The following DAB1 variants were observed in gnomAD, a reference collection of about 807,000 sequenced individuals.
The protein encoded by DAB1 is DAB adaptor protein 1.
In DAB1, 15 loss-of-function variants were observed where a neutral mutation model predicts 64.6. The observed-to-expected ratio is 0.23, with a 90% confidence interval of 0.16 to 0.36. The LOEUF (loss-of-function observed/expected upper bound fraction) is 0.36. DAB1 is among the 10% of genes least tolerant of loss of function. DAB1 has a pLI of 1.00. For synonymous variants in DAB1, 235 were observed against 251.9 expected (o/e 0.93, Z 0.64); for missense variants, 596 against 706.7 (o/e 0.84, Z 1.78).
intron 2 of DAB1, among the ~76,000 whole-genome samples, chr1:58,520,604 G>A (rs2100451233): frequency 6.6e-6 from 1 of 152,168 alleles, no homozygotes; most frequent in Non-Finnish European, 1.5e-5. Context: ...GAACACAGGA[G>A]GTTTGAAAAT....
intron 6 of DAB1, among the ~76,000 whole-genome samples, chr1:57,662,510 T>C (rs1214409103): frequency 6.6e-6 from 1 of 152,192 alleles, no homozygotes. Flanking sequence ...GATTGTTATA[T>C]CACTCGTTCA....
chr1:57,193,579 G>C (rs1664359054), intron 2 of DAB1, among the ~76,000 whole-genome samples: 1 of 151,768 alleles, frequency 6.6e-6, no homozygotes, highest in South Asian at 2.1e-4. Flanking sequence ...GTAGAGACGG[G>C]GTTTCACCAT....
At chr1:58,038,084 C>G (rs567155315) in intron 5 of DAB1, among the ~76,000 whole-genome samples, 1 of 152,158 alleles carries the variant, frequency 6.6e-6, no homozygotes, top group African/African-American at 2.4e-5. Flanking sequence ...AGAAGACTGA[C>G]TTGATATCTT....
At chr1:57,034,459 T>C (rs970191940) in intron 9 of DAB1, among the ~76,000 whole-genome samples, 3 of 152,104 alleles carry the variant, frequency 2.0e-5, no homozygotes, top group African/African-American at 7.2e-5. Context: ...CCATGAACTT[T>C]CTCAAGCAGC....
intron 5 of DAB1, among the ~76,000 whole-genome samples, chr1:58,139,067 A>T (rs539019088): frequency 6.6e-6 from 1 of 152,238 alleles, no homozygotes; most frequent in Non-Finnish European, 1.5e-5. Flanking sequence ...CCTTCATGAG[A>T]TCTCAGCCAG....
chr1:58,530,917 C>T (rs1042399182), intron 1 of DAB1, among the ~76,000 whole-genome samples: 1 of 151,964 alleles, frequency 6.6e-6, no homozygotes, highest in Non-Finnish European at 1.5e-5. Flanking sequence ...ACTTATATAC[C>T]TATTCATTCA....
intron 1 of DAB1, among the ~76,000 whole-genome samples, chr1:57,318,130 T>C (rs1675374273): frequency 7.8e-6 from 1 of 127,414 alleles, no homozygotes; most frequent in Non-Finnish European, 1.6e-5. Context: ...AGCAAGATGC[T>C]GACTGAAATT....
At chr1:58,167,528 T>C (rs948204223) in intron 4 of DAB1, among the ~76,000 whole-genome samples, 1 of 151,934 alleles carries the variant, frequency 6.6e-6, no homozygotes, top group Non-Finnish European at 1.5e-5. Flanking sequence ...GTGGGCAGGG[T>C]CAAATAAGGG....
chr1:58,426,937 G>T (rs1045255532), intron 3 of DAB1, among the ~76,000 whole-genome samples: 6 of 152,220 alleles, frequency 3.9e-5, no homozygotes, highest in African/African-American at 1.4e-4. Context: ...AGGCCTCACT[G>T]CAAAGAAAAG....
chr1:58,200,813 A>G (rs977407147), intron 4 of DAB1, among the ~76,000 whole-genome samples: 2 of 152,178 alleles, frequency 1.3e-5, no homozygotes, highest in Non-Finnish European at 2.9e-5. Context: ...ATATTCACCT[A>G]CTGACATGTG....
intron 6 of DAB1, among the ~76,000 whole-genome samples, chr1:57,757,849 C>T (rs184860338): frequency 3.9e-5 from 6 of 152,264 alleles, no homozygotes; most frequent in Non-Finnish European, 7.4e-5. Context: ...CAGGGTCTTG[C>T]TGTGTTGCCC....
chr1:57,239,476 T>C (rs1238669523), intron 2 of DAB1, among the ~76,000 whole-genome samples: 1 of 152,186 alleles, frequency 6.6e-6, no homozygotes, highest in African/African-American at 2.4e-5. Context: ...CATATGACCA[T>C]GGATATATAA....
At chr1:57,859,860 A>G (rs896274690) in intron 1 of DAB1, among the ~76,000 whole-genome samples, 1 of 152,222 alleles carries the variant, frequency 6.6e-6, no homozygotes, top group African/African-American at 2.4e-5. Flanking sequence ...GGATGAAGGT[A>G]AAAGCTACTA....
chr1:57,003,862 C>T (rs1438830653), intron 14 of DAB1, among the ~76,000 whole-genome samples: 1 of 152,182 alleles, frequency 6.6e-6, no homozygotes, highest in Non-Finnish European at 1.5e-5. Flanking sequence ...CCCATGTCAG[C>T]TATAGAGCAT....
At chr1:58,338,623 G>A (rs890599673) in intron 4 of DAB1, among the ~76,000 whole-genome samples, 1 of 152,174 alleles carries the variant, frequency 6.6e-6, no homozygotes, top group Non-Finnish European at 1.5e-5. Context: ...GACAGTCGTT[G>A]CCCTTGTAGA....
At chr1:58,113,458 T>C (rs1317476892) in intron 5 of DAB1, among the ~76,000 whole-genome samples, 1 of 152,204 alleles carries the variant, frequency 6.6e-6, no homozygotes, top group Non-Finnish European at 1.5e-5. Context: ...GTTCCAGCTT[T>C]TCAGCTGCAT....
At chr1:58,386,377 G>C (rs1644432383) in intron 3 of DAB1, among the ~76,000 whole-genome samples, 1 of 152,182 alleles carries the variant, frequency 6.6e-6, no homozygotes, top group Non-Finnish European at 1.5e-5. Context: ...GCTTTGGGAT[G>C]ATGAGGAAAA....
intron 4 of DAB1, among the ~76,000 whole-genome samples, chr1:57,089,015 C>G (rs938143950): frequency 5.3e-5 from 8 of 152,222 alleles, no homozygotes; most frequent in Non-Finnish European, 1.2e-4. Context: ...TGGCCTTTCA[C>G]TCACAAGCAA....
chr1:57,953,213 T>C lies in DAB1; in HGVS notation n.388-69051A>G, dbSNP rs12045985. Among the ~76,000 whole-genome samples the C allele has an allele frequency of 7.8e-3, 1,184 of 152,354 alleles. 24 individuals are homozygous for C. The East Asian group carries it at 0.082, about 11-fold the overall frequency. ...TTCTTTATCTGAAAAATGAAGAAGC[T>C]TGACTTTTCTATTTACAAGTCCTCG... On this transcript the variant is annotated intron_variant and non_coding_transcript_variant, in intron 5 of 20. Transcript: ENST00000485760.
Sources: allele counts gnomAD v4.1 joint callset (sites outside exome capture counted in the v4.1 genomes callset), GRCh38; gene constraint gnomAD v4.1.1; transcripts MANE v1.5; gene names NCBI Gene and HGNC (gene_info 2026-07-23, HGNC 2026-07-21).